Variants in CDKAL1 observed in about 807,000 individuals in gnomAD.
The protein encoded by CDKAL1 is CDKAL1 threonylcarbamoyladenosine tRNA methylthiotransferase, also known as threonylcarbamoyladenosine tRNA methylthiotransferase.
CDKAL1 carries 32 observed loss-of-function variants against 68.2 expected under a neutral mutation model. The observed-to-expected ratio is 0.47, with a 90% CI of 0.35 to 0.63. CDKAL1 has a LOEUF of 0.63. Among genes scored for constraint, CDKAL1 ranks in the 30% least tolerant of loss-of-function variants. CDKAL1 has a pLI of 0.00. For missense variants in CDKAL1, 606 were observed against 696.7 expected (o/e 0.87, Z 1.47); for synonymous variants, 234 against 244.3 (o/e 0.96, Z 0.39).
At chr6:20,732,868 G>T (rs1773019975) in intron 5 of CDKAL1, among the ~76,000 whole-genome samples, 1 of 151,994 alleles carries the variant, frequency 6.6e-6, no homozygotes, top group African/African-American at 2.4e-5. Flanking sequence ...TTTCTATAAT[G>T]AACCAAGTTT....
intron 9 of CDKAL1, among the ~76,000 whole-genome samples, chr6:20,861,876 C>T (rs1193826066): frequency 6.6e-6 from 1 of 152,152 alleles, no homozygotes; most frequent in Non-Finnish European, 1.5e-5. Context: ...GCTGTGACTC[C>T]AGACATGTGA....
rs898417942 is a variant in CDKAL1 at position 20,648,040 on chromosome 6, A to T, written c.287-1253A>T. ...CAGTGAGCGGAGATCATGCCACTGC[A>T]CTCCAGCCTGGGTGACAGAGCGAGA... On this transcript the variant is annotated intron_variant, in intron 4 of 15. Transcript: ENST00000274695. Among the ~76,000 whole-genome samples the T allele has an allele frequency of 4.3e-3, 633 of 147,158 alleles. 5 individuals carry two copies. The highest frequency in any genetic ancestry group is 0.015 in the African/African-American group (600 of 39,838).
chr6:20,759,165 T>G (rs1028830971), intron 7 of CDKAL1, among the ~76,000 whole-genome samples: 1 of 152,182 alleles, frequency 6.6e-6, no homozygotes, highest in Admixed American at 6.5e-5. Context: ...CAGGTCATAG[T>G]TTTCTTTTTT....
intron 13 of CDKAL1, among the ~76,000 whole-genome samples, chr6:21,139,005 C>T (rs775088307): frequency 1.3e-5 from 2 of 152,180 alleles, no homozygotes; most frequent in South Asian, 2.1e-4. Context: ...GTGAGAGGCA[C>T]GTCCATTACA....
intron 4 of CDKAL1, among the ~76,000 whole-genome samples, chr6:20,594,872 C>G (rs1435815600): frequency 6.6e-6 from 1 of 151,652 alleles, no homozygotes; most frequent in Non-Finnish European, 1.5e-5. Context: ...TAAGGCAGGC[C>G]TGGAATCTCT....
chr6:21,032,129 G>A (rs1015116243), intron 11 of CDKAL1, among the ~76,000 whole-genome samples: 5 of 152,086 alleles, frequency 3.3e-5, no homozygotes, highest in African/African-American at 1.2e-4. Flanking sequence ...CCAGATTCCT[G>A]ACTCACCCCC....
chr6:20,752,100 G>C (rs2819990), intron 6 of CDKAL1, among the ~76,000 whole-genome samples: 67,159 of 150,050 alleles, frequency 0.45, 15,272 homozygotes, highest in Middle Eastern at 0.5. Flanking sequence ...TCTTCTCTCC[G>C]TTTCCTCTTG....
chr6:21,134,651 T>G (rs1775490999), intron 13 of CDKAL1, among the ~76,000 whole-genome samples: 1 of 152,100 alleles, frequency 6.6e-6, no homozygotes, highest in South Asian at 2.1e-4. Context: ...ATGATCATAG[T>G]TTTTGTTGAG....
chr6:21,052,362 T>A (rs947384713), intron 11 of CDKAL1, among the ~76,000 whole-genome samples: 1 of 152,094 alleles, frequency 6.6e-6, no homozygotes, highest in Non-Finnish European at 1.5e-5. Context: ...TATTTTTTCT[T>A]ATTAGAGGTG....
At chr6:20,724,697 T>TCAAA (rs538208408) in intron 5 of CDKAL1, among the ~76,000 whole-genome samples, 123 of 152,254 alleles carry the variant, frequency 8.1e-4, no homozygotes, top group African/African-American at 2.4e-3. Flanking sequence ...AGACCCTGCC[T>TCAAA]CAAACAAACA....
chr6:20,651,987 A>T (rs899331757), intron 5 of CDKAL1, among the ~76,000 whole-genome samples: 13 of 152,184 alleles, frequency 8.5e-5, no homozygotes, highest in Non-Finnish European at 1.9e-4. Flanking sequence ...ATTGATGTTC[A>T]TCATGGATAT....
chr6:20,709,873 G>T (rs1771768876), intron 5 of CDKAL1, among the ~76,000 whole-genome samples: 1 of 152,118 alleles, frequency 6.6e-6, no homozygotes, highest in Admixed American at 6.6e-5. Context: ...GAAGACCTGA[G>T]TAAGAATTTC....
At chr6:20,850,502 A>G (rs1022491982) in intron 9 of CDKAL1, among the ~76,000 whole-genome samples, 2 of 151,988 alleles carry the variant, frequency 1.3e-5, no homozygotes, top group African/African-American at 4.8e-5. Context: ...GTGCAGTGGC[A>G]TGATCTTGGC....
chr6:21,129,614 G>A (rs1028576312), intron 13 of CDKAL1, among the ~76,000 whole-genome samples: 1 of 126,654 alleles, frequency 7.9e-6, no homozygotes, highest in African/African-American at 3.0e-5. Context: ...ACGTTGATGT[G>A]TTCCAGCCAT....
At chr6:20,685,873 G>A (rs1047857641) in intron 5 of CDKAL1, among the ~76,000 whole-genome samples, 4 of 152,200 alleles carry the variant, frequency 2.6e-5, no homozygotes, top group Non-Finnish European at 5.9e-5. Flanking sequence ...ACAGGCATGA[G>A]CCATCAAGCC....
chr6:20,945,985 G>C (rs933293749), intron 9 of CDKAL1, among the ~76,000 whole-genome samples: 1 of 152,084 alleles, frequency 6.6e-6, no homozygotes, highest in African/African-American at 2.4e-5. Context: ...AGTGATTTGA[G>C]AATTTTGAAA....
chr6:20,822,012 A>G (rs1182984183), intron 8 of CDKAL1, among the ~76,000 whole-genome samples: 3 of 152,196 alleles, frequency 2.0e-5, no homozygotes. Context: ...TTTAATTGCA[A>G]CAGAACCATG....
intron 9 of CDKAL1, among the ~76,000 whole-genome samples, chr6:20,929,769 G>A (rs920384438): frequency 9.9e-5 from 15 of 152,156 alleles, no homozygotes; most frequent in African/African-American, 3.6e-4. Flanking sequence ...CCCACTGACA[G>A]TTGGGCTGCT....
At chr6:20,612,763 C>G (rs1418208570) in intron 4 of CDKAL1, among the ~76,000 whole-genome samples, 1 of 152,018 alleles carries the variant, frequency 6.6e-6, no homozygotes, top group Non-Finnish European at 1.5e-5. Flanking sequence ...CATTTGTCTA[C>G]TTTTGGTTTT....
Sources: allele counts gnomAD v4.1 joint callset (sites outside exome capture counted in the v4.1 genomes callset), GRCh38; gene constraint gnomAD v4.1.1; transcripts MANE v1.5; gene names NCBI Gene and HGNC (gene_info 2026-07-23, HGNC 2026-07-21).